BMAL1: variants seen among roughly 807,000 people sequenced by gnomAD.
BMAL1 encodes basic helix-loop-helix ARNT like 1.
chr11:13,339,249 G>A, the BMAL1 span, among the ~76,000 whole-genome samples: 3 of 152,086 alleles, frequency 2.0e-5, no homozygotes, highest in South Asian at 2.1e-4. Flanking sequence ...TCACCCTGCC[G>A]TGGCCACTCA....
the BMAL1 span, among the ~76,000 whole-genome samples, chr11:13,330,488 T>C: frequency 6.6e-6 from 1 of 152,272 alleles, no homozygotes; most frequent in East Asian, 1.9e-4. Context: ...GAGCATGCCA[T>C]ATCTAATTAT....
the BMAL1 span, among the ~76,000 whole-genome samples, chr11:13,298,303 T>A: frequency 6.6e-6 from 1 of 152,324 alleles, no homozygotes; most frequent in African/African-American, 2.4e-5. Context: ...CTCTCCCTAC[T>A]GCCTGCTCCC....
At chr11:13,350,461 TAAAG>T in the BMAL1 span, among the ~76,000 whole-genome samples, 1 of 152,132 alleles carries the variant, frequency 6.6e-6, no homozygotes, top group Non-Finnish European at 1.5e-5. Context: ...TTTCCAAAAA[TAAAG>T]AGCAGTAGGA....
the BMAL1 span, among the ~76,000 whole-genome samples, chr11:13,342,101 T>C: frequency 6.6e-6 from 1 of 152,138 alleles, no homozygotes; most frequent in African/African-American, 2.4e-5. Context: ...TGGGAGATCT[T>C]TGTGGCTTCA....
the BMAL1 span, among the ~76,000 whole-genome samples, chr11:13,306,748 T>G: frequency 6.6e-6 from 1 of 152,074 alleles, no homozygotes. Context: ...GAGGCATAAG[T>G]GGGTAGTTAC....
the BMAL1 span, among the ~76,000 whole-genome samples, chr11:13,340,534 A>C: frequency 3.3e-5 from 5 of 152,122 alleles, no homozygotes; most frequent in Non-Finnish European, 5.9e-5. Flanking sequence ...TTCACTTTTC[A>C]GATTCTTTGG....
At chr11:13,347,755 CAGG>C in the BMAL1 span, among the ~76,000 whole-genome samples, 2 of 152,044 alleles carry the variant, frequency 1.3e-5, no homozygotes, top group Non-Finnish European at 2.9e-5. Context: ...CAAACTGAGG[CAGG>C]AGGATAGTTT....
the BMAL1 span, among the ~76,000 whole-genome samples, chr11:13,363,541 G>A: frequency 6.6e-6 from 1 of 152,162 alleles, no homozygotes; most frequent in Non-Finnish European, 1.5e-5. Flanking sequence ...CTACTCAGAT[G>A]ATGTTCAGAC....
chr11:13,322,563 C>T, the BMAL1 span, among the ~76,000 whole-genome samples: 10 of 152,132 alleles, frequency 6.6e-5, no homozygotes, highest in East Asian at 7.7e-4. Flanking sequence ...AGCAAATGTC[C>T]GTCATGCCCA....
the BMAL1 span, among the ~76,000 whole-genome samples, chr11:13,282,258 C>G: frequency 6.6e-6 from 1 of 152,214 alleles, no homozygotes; most frequent in Non-Finnish European, 1.5e-5. Context: ...TTCTTTTGCT[C>G]TCTATGCCTT....
At chr11:13,356,429 C>A in the BMAL1 span, 1 of 565,420 alleles carries the variant, frequency 1.8e-6, no homozygotes, top group Admixed American at 2.4e-5. Flanking sequence ...GTTAACTAAG[C>A]ATTTTTATAA....
chr11:13,284,828 G>A, the BMAL1 span, among the ~76,000 whole-genome samples: 1 of 152,124 alleles, frequency 6.6e-6, no homozygotes. Context: ...CCAGTGGCAT[G>A]CAGGTGGCAC....
the BMAL1 span, among the ~76,000 whole-genome samples, chr11:13,367,247 C>A: frequency 2.0e-5 from 3 of 152,162 alleles, no homozygotes; most frequent in Admixed American, 6.5e-5. Flanking sequence ...TTGGCTCCCC[C>A]ACCTGGCTTT....
the BMAL1 span, chr11:13,386,582 A>ATC: frequency 3.7e-6 from 6 of 1,602,290 alleles, no homozygotes; most frequent in Non-Finnish European, 5.1e-6. Flanking sequence ...ACCAGTCTTT[A>ATC]TCTCCTCCCA....
At chr11:13,376,647 G>A in the BMAL1 span, 21 of 1,614,048 alleles carry the variant, frequency 1.3e-5, no homozygotes, top group Admixed American at 1.8e-4. Context: ...CAGAGCCAAC[G>A]TCCTGGAAGG....
At chr11:13,378,315 C>T in the BMAL1 span, 1 of 1,578,132 alleles carries the variant, frequency 6.3e-7, no homozygotes, top group Non-Finnish European at 8.6e-7. Context: ...CCCTTTCCTA[C>T]TCTCAGATTC....
chr11:13,358,004 A>T, the BMAL1 span, among the ~76,000 whole-genome samples: 1 of 152,240 alleles, frequency 6.6e-6, no homozygotes, highest in African/African-American at 2.4e-5. Flanking sequence ...TGCCCAGGTC[A>T]CATGGCCACA....
At chr11:13,331,006 G>A in the BMAL1 span, among the ~76,000 whole-genome samples, 1 of 152,202 alleles carries the variant, frequency 6.6e-6, no homozygotes, top group Non-Finnish European at 1.5e-5. Flanking sequence ...GGAAGCAGAG[G>A]CCTAGGCAAG....
At chr11:13,300,363 TC>T in the BMAL1 span, among the ~76,000 whole-genome samples, 1 of 152,216 alleles carries the variant, frequency 6.6e-6, no homozygotes, top group African/African-American at 2.4e-5. Flanking sequence ...TAATAGCGAA[TC>T]AGAATTTCTT....
Sources: allele counts gnomAD v4.1 joint callset (sites outside exome capture counted in the v4.1 genomes callset), GRCh38; gene constraint gnomAD v4.1.1; transcripts MANE v1.5; gene names NCBI Gene and HGNC (gene_info 2026-07-23, HGNC 2026-07-21).